The following CPVL variants were observed in gnomAD, a reference collection of about 807,000 sequenced individuals.
CPVL encodes probable serine carboxypeptidase CPVL.
Under a neutral mutation model 63.7 loss-of-function variants are expected in CPVL, and 51 were observed. The ratio of observed to expected loss-of-function variants is 0.80; its 90% confidence interval spans 0.64 to 1.01. CPVL has a LOEUF of 1.01. CPVL is among the 50% of genes least tolerant of loss of function. CPVL has a pLI of 0.00. For synonymous variants in CPVL, 195 were observed against 206.0 expected, an observed-to-expected ratio of 0.95 and a Z score of 0.46; for missense variants, 530 against 573.1, an observed-to-expected ratio of 0.92 and a Z score of 0.77.
intron 3 of CPVL, among the ~76,000 whole-genome samples, chr7:29,100,821 C>T (rs938402210): frequency 1.3e-5 from 2 of 152,204 alleles, no homozygotes; most frequent in African/African-American, 4.8e-5. Flanking sequence ...AAAGCCCACA[C>T]ATACATCTTT....
intron 1 of CPVL, among the ~76,000 whole-genome samples, chr7:29,140,216 G>A (rs182874845): frequency 6.6e-6 from 1 of 152,268 alleles, no homozygotes; most frequent in East Asian, 1.9e-4. Flanking sequence ...GAGGCAGGAG[G>A]ATTATTTGAG....
intron 1 of CPVL, among the ~76,000 whole-genome samples, chr7:29,188,018 G>C (rs951930789): frequency 6.6e-6 from 1 of 152,196 alleles, no homozygotes; most frequent in Non-Finnish European, 1.5e-5. Context: ...CCCAGGCCTG[G>C]CTCCTATGTC....
chr7:29,080,249 C>G (rs902663691), intron 7 of CPVL: 14 of 151,988 alleles, frequency 9.2e-5, no homozygotes, highest in Non-Finnish European at 1.9e-4. Context: ...ACACCCAAAC[C>G]TAAAATAAAA....
intron 2 of CPVL, 97 bp from the exon 3 acceptor site, chr7:29,112,919 G>C: frequency 7.1e-6 from 6 of 847,586 alleles, no homozygotes; most frequent in Non-Finnish European, 1.2e-5. Context: ...GGAGTGATTA[G>C]ATAAGCTAAA....
chr7:29,029,230 G>A (rs1787785979), intron 12 of CPVL, among the ~76,000 whole-genome samples: 1 of 150,482 alleles, frequency 6.6e-6, no homozygotes, highest in Non-Finnish European at 1.5e-5. Context: ...AGCCATTATA[G>A]AAAACAATAT....
At chr7:29,165,736 T>G (rs367726365) in intron 5 of CPVL, among the ~76,000 whole-genome samples, 2 of 152,206 alleles carry the variant, frequency 1.3e-5, no homozygotes, top group Admixed American at 6.5e-5. Context: ...TTTTTTAAAT[T>G]TTTTCATCAT....
chr7:29,147,956 A>T (rs1423169866), upstream of CPVL, among the ~76,000 whole-genome samples: 1 of 152,194 alleles, frequency 6.6e-6, no homozygotes. Context: ...GGCGATTTCC[A>T]GTTCCTGGTT....
chr7:29,195,273 G>C (rs1268825661), exon 1 of CPVL: 5 of 390,818 alleles, frequency 1.3e-5, no homozygotes, highest in Non-Finnish European at 2.3e-5. Flanking sequence ...AAAGCGAAAG[G>C]AGCGGGCAGG....
chr7:29,130,003 C>T (rs1411986639), intron 1 of CPVL, among the ~76,000 whole-genome samples: 1 of 152,182 alleles, frequency 6.6e-6, no homozygotes, highest in African/African-American at 2.4e-5. Flanking sequence ...TCGTAGCCTA[C>T]AGGTTTCAGG....
chr7:29,005,130 G>T (rs1562718673), intron 12 of CPVL, among the ~76,000 whole-genome samples: 1 of 151,828 alleles, frequency 6.6e-6, no homozygotes, highest in South Asian at 2.1e-4. Flanking sequence ...AAACTCCTGG[G>T]CTCAAGGGAT....
At position 29,096,131 on chromosome 7, in the gene CPVL, C is replaced by T; in HGVS notation, c.375G>A (p.Gly125=). ...TCATGTTACTTGTGACAACATAAGG[C>T]CCATGTTCCACAAAGAGTCCAAACA... ...SSMFGLFVEH[G]PYVVTSNMTL... The change falls in exon 4 of 13, where the codon GGG becomes GGA. Residue 125 remains glycine (G), a synonymous_variant. Transcript: ENST00000265394. The T allele has an allele frequency of 6.2e-7, 1 of 1,613,968 alleles. No individual in the cohort carries two copies. The highest frequency in any genetic ancestry group is 8.5e-7 in the Non-Finnish European group (1 of 1,179,840).
chr7:29,193,007 G>C (rs1783092585), intron 1 of CPVL: 1 of 152,230 alleles, frequency 6.6e-6, no homozygotes, highest in Admixed American at 6.5e-5. Flanking sequence ...GTCCCTGAAG[G>C]CTCCAGATTA....
chr7:29,107,133 A>G (rs1443817636), intron 3 of CPVL, among the ~76,000 whole-genome samples: 1 of 152,246 alleles, frequency 6.6e-6, no homozygotes, highest in Non-Finnish European at 1.5e-5. Context: ...CCTCAGACTG[A>G]AAGATTCAAG....
intron 12 of CPVL, among the ~76,000 whole-genome samples, chr7:29,020,515 T>C (rs1786855812): frequency 6.6e-6 from 1 of 152,236 alleles, no homozygotes; most frequent in Non-Finnish European, 1.5e-5. Flanking sequence ...TAGCAAAATT[T>C]ACTATGAGCC....
intron 1 of CPVL, among the ~76,000 whole-genome samples, chr7:29,145,663 G>A (rs245876): frequency 0.96 from 146,364 of 152,272 alleles, 70,392 homozygotes; most frequent in East Asian, 1. Context: ...GGCATTTTCT[G>A]TATGTTATTT....
intron 11 of CPVL, among the ~76,000 whole-genome samples, chr7:29,052,916 CAAACAAACAAAA>C (rs1403921466): frequency 1.3e-5 from 2 of 151,880 alleles, no homozygotes; most frequent in African/African-American, 4.8e-5. Context: ...CTCAAACAAA[CAAACAAACAAAA>C]AAACTCTTAA....
chr7:29,179,188 C>CCAT (rs997930061), intron 5 of CPVL, among the ~76,000 whole-genome samples: 4 of 152,202 alleles, frequency 2.6e-5, no homozygotes, highest in African/African-American at 9.6e-5. Context: ...TTGTGTTAGG[C>CCAT]CATGCTGCCA....
rs540191474 is a variant in CPVL at position 29,024,366 on chromosome 7, A to T, written c.1320+6211T>A. On this transcript the variant is annotated intron_variant, in intron 12 of 12. Coordinates refer to ENST00000265394, the MANE Select transcript of CPVL (RefSeq NM_031311.5). ...TGGAACACCATAAAGCAGGCAACCA[A>T]ATATTCACATTTTGGGTGTTCCAGA... Among the ~76,000 whole-genome samples, 37 of 152,328 alleles carry T rather than the reference A, an allele frequency of 2.4e-4. No homozygotes were observed. In the South Asian group the frequency reaches 6.6e-3, roughly 27 times the overall value.
At chr7:29,064,497 A>C (rs1782954480) in intron 10 of CPVL, among the ~76,000 whole-genome samples, 1 of 152,160 alleles carries the variant, frequency 6.6e-6, no homozygotes, top group Non-Finnish European at 1.5e-5. Flanking sequence ...TGCAGAAACT[A>C]ATCTTTTGCA....
Sources: allele counts gnomAD v4.1 joint callset (sites outside exome capture counted in the v4.1 genomes callset), GRCh38; gene constraint gnomAD v4.1.1; transcripts MANE v1.5; gene names NCBI Gene and HGNC (gene_info 2026-07-23, HGNC 2026-07-21).